Variants in UGT1A7 observed in about 807,000 individuals in gnomAD.
The protein encoded by UGT1A7 is UDP-glucuronosyltransferase 1A7.
Under a neutral mutation model 45.6 loss-of-function variants are expected in UGT1A7, and 33 were observed. The ratio of observed to expected loss-of-function variants is 0.72; its 90% CI spans 0.55 to 0.97. The LOEUF (loss-of-function observed/expected upper bound fraction) is 0.97, where lower values mean the gene tolerates loss of function less well. Ranked by LOEUF, UGT1A7 falls within the 50% of genes least tolerant of loss-of-function variation. UGT1A7 has a pLI of 0.00. For missense variants in UGT1A7, 684 were observed against 666.2 expected (o/e 1.03, Z -0.29); for synonymous variants, 274 against 250.6 (o/e 1.09, Z -0.88).
chr2:233,704,415 CA>C lies in UGT1A7; in HGVS notation c.855+21625del, dbSNP rs1201180992. On this transcript the variant is annotated intron_variant, in intron 1 of 4. Transcript: ENST00000373426. Reference sequence around the variant, plus strand: ...ACCAGTATCTACTTCAGATTTATACCAACTTAATTCCAGTTAAATATTGAAA... The same window carrying C: ...ACCAGTATCTACTTCAGATTTATACCACTTAATTCCAGTTAAATATTGAAA... Among the ~76,000 whole-genome samples the C allele has an allele frequency of 2.0e-5, 3 of 152,056 alleles. No homozygotes were observed. The East Asian group carries it at 5.8e-4, about 29-fold the overall frequency.
At chr2:233,744,159 G>A (rs958752952) in intron 1 of UGT1A7, 17 of 293,374 alleles carry the variant, frequency 5.8e-5, no homozygotes, top group African/African-American at 2.9e-4. Context: ...ACCAGGCCCC[G>A]CCCACTCCGG....
intron 1 of UGT1A7, chr2:233,719,738 A>T (rs1455420769): frequency 1.7e-5 from 27 of 1,613,220 alleles, no homozygotes; most frequent in Non-Finnish European, 2.2e-5. Flanking sequence ...AACACTTTTT[A>T]AAAAATGTAT....
chr2:233,748,886 T>C (rs559177980), intron 1 of UGT1A7, among the ~76,000 whole-genome samples: 20 of 151,542 alleles, frequency 1.3e-4, no homozygotes, highest in Non-Finnish European at 2.8e-4. Flanking sequence ...TGAATGGACA[T>C]GTGTCCAAGA....
chr2:233,731,567 G>C (rs187865178), intron 1 of UGT1A7, among the ~76,000 whole-genome samples: 1 of 152,286 alleles, frequency 6.6e-6, no homozygotes, highest in Non-Finnish European at 1.5e-5. Flanking sequence ...AGTTTGCTGA[G>C]AATGATGGTT....
At chr2:233,731,212 T>A (rs1194990804) in intron 1 of UGT1A7, among the ~76,000 whole-genome samples, 1 of 152,156 alleles carries the variant, frequency 6.6e-6, no homozygotes, top group Non-Finnish European at 1.5e-5. Context: ...TACGTGTTTA[T>A]TTAGATTTGT....
intron 1 of UGT1A7, among the ~76,000 whole-genome samples, chr2:233,696,905 T>C (rs2075364659): frequency 6.6e-6 from 1 of 152,208 alleles, no homozygotes; most frequent in Non-Finnish European, 1.5e-5. Context: ...ATTCTGTCAA[T>C]GTATTCATAT....
intron 1 of UGT1A7, among the ~76,000 whole-genome samples, chr2:233,697,116 TC>T (rs775779610): frequency 2.6e-5 from 4 of 152,164 alleles, no homozygotes; most frequent in Non-Finnish European, 5.9e-5. Context: ...AAGTATTCTC[TC>T]CTCTTCATTT....
At chr2:233,770,790 G>GAT (rs1474818165) in intron 4 of UGT1A7, 3 of 152,110 alleles carry the variant, frequency 2.0e-5, no homozygotes, top group African/African-American at 7.2e-5. Context: ...TAACATTATA[G>GAT]ATATGTTTAA....
intron 1 of UGT1A7, among the ~76,000 whole-genome samples, chr2:233,685,880 A>G (rs1356115880): frequency 1.3e-5 from 2 of 152,244 alleles, no homozygotes; most frequent in African/African-American, 4.8e-5. Context: ...ACAATCAATA[A>G]TTCTTTAATA....
intron 1 of UGT1A7, among the ~76,000 whole-genome samples, chr2:233,766,238 C>T (rs1302165333): frequency 6.6e-6 from 1 of 151,910 alleles, no homozygotes; most frequent in Non-Finnish European, 1.5e-5. Flanking sequence ...GAAGGGTTTC[C>T]CCTGGAGTCA....
intron 1 of UGT1A7, among the ~76,000 whole-genome samples, chr2:233,733,673 A>G (rs1046219304): frequency 2.0e-5 from 3 of 152,206 alleles, no homozygotes; most frequent in African/African-American, 7.2e-5. Context: ...ATCGATGTGG[A>G]TAAACTTTTT....
chr2:233,725,687 A>G (rs1043779631), intron 1 of UGT1A7, among the ~76,000 whole-genome samples: 2 of 152,216 alleles, frequency 1.3e-5, no homozygotes, highest in African/African-American at 2.4e-5. Context: ...CAAGTGCTCA[A>G]TAGTCATATG....
At chr2:233,732,137 TTTG>T (rs1309636549) in intron 1 of UGT1A7, among the ~76,000 whole-genome samples, 1 of 152,050 alleles carries the variant, frequency 6.6e-6, no homozygotes, top group African/African-American at 2.4e-5. Context: ...AGGTTGTTTG[TTTG>T]TTTTTTTTCT....
intron 1 of UGT1A7, chr2:233,753,778 CT>C (rs1025040138): frequency 6.6e-6 from 1 of 152,232 alleles, no homozygotes; most frequent in African/African-American, 2.4e-5. Flanking sequence ...AAACGCTTTT[CT>C]TTACATTTCC....
chr2:233,691,273 T>C (rs921179484), intron 1 of UGT1A7: 1 of 985,424 alleles, frequency 1.0e-6, no homozygotes, highest in Non-Finnish European at 1.2e-6. Flanking sequence ...GCCGCCCCCA[T>C]GACTTTGATC....
At chr2:233,767,361 T>C (rs990880937) in intron 2 of UGT1A7, among the ~76,000 whole-genome samples, 196 bp downstream of exon 2, 19 of 152,222 alleles carry the variant, frequency 1.2e-4, no homozygotes, top group African/African-American at 3.6e-4. Flanking sequence ...TCAAATACTC[T>C]ATTAAACTAT....
chr2:233,755,378 C>T (rs2125935029), intron 1 of UGT1A7: 1 of 351,540 alleles, frequency 2.8e-6, no homozygotes, highest in South Asian at 2.3e-5. Context: ...GAGGGCCGCC[C>T]CTTATGACGC....
At chr2:233,701,642 G>C (rs376187281) in intron 1 of UGT1A7, among the ~76,000 whole-genome samples, 7 of 152,306 alleles carry the variant, frequency 4.6e-5, no homozygotes, top group Admixed American at 2.6e-4. Flanking sequence ...ATAGCAAACT[G>C]TCTCTCAGAC....
chr2:233,730,948 C>T (rs2078091104), intron 1 of UGT1A7, among the ~76,000 whole-genome samples: 2 of 152,126 alleles, frequency 1.3e-5, no homozygotes, highest in African/African-American at 4.8e-5. Flanking sequence ...ATTTGGGTTT[C>T]GTTGAAATGG....
Sources: allele counts gnomAD v4.1 joint callset (sites outside exome capture counted in the v4.1 genomes callset), GRCh38; gene constraint gnomAD v4.1.1; transcripts MANE v1.5; gene names NCBI Gene and HGNC (gene_info 2026-07-23, HGNC 2026-07-21).